CFAP47: variants seen among roughly 807,000 people sequenced by gnomAD.
CFAP47 encodes cilia- and flagella-associated protein 47.
CFAP47 carries 29 observed loss-of-function variants against 148.1 expected under a neutral mutation model. The ratio of observed to expected loss-of-function variants is 0.20; its 90% CI spans 0.15 to 0.27. CFAP47 has a LOEUF of 0.27. CFAP47 is among the 10% of genes least tolerant of loss of function. CFAP47 has a pLI of 1.00. For synonymous variants in CFAP47, 664 were observed against 577.3 expected, an observed-to-expected ratio of 1.15 and a Z score of -2.15; for missense variants, 1,872 against 1,697.5, an observed-to-expected ratio of 1.10 and a Z score of -1.81.
intron 30 of CFAP47, among the ~76,000 whole-genome samples, chrX:36,096,315 G>A (rs1387298045): frequency 9.0e-6 from 1 of 111,119 alleles, no homozygotes; most frequent in African/African-American, 3.3e-5. Context: ...GAAAACAGTA[G>A]GTATTCCATA....
At chrX:36,293,654 G>A (rs1375418148) in intron 51 of CFAP47, among the ~76,000 whole-genome samples, 2 of 112,215 alleles carry the variant, frequency 1.8e-5, no homozygotes, top group Middle Eastern at 4.2e-3. Context: ...GAGGGTCTGG[G>A]AAATGGAATC....
intron 46 of CFAP47, among the ~76,000 whole-genome samples, chrX:36,230,485 A>T (rs1940334711): frequency 9.7e-6 from 1 of 103,621 alleles, no homozygotes; most frequent in South Asian, 4.3e-4. Flanking sequence ...AATTTGTTTG[A>T]GTTCATTGTA....
At chrX:36,273,154 T>C (rs1255731216) in intron 49 of CFAP47, among the ~76,000 whole-genome samples, 1 of 111,564 alleles carries the variant, frequency 9.0e-6, no homozygotes, top group Non-Finnish European at 1.9e-5. Context: ...TTTTAAAAAT[T>C]ATTTTCAAAG....
At chrX:35,957,459 G>C (rs1424701572) in intron 8 of CFAP47, among the ~76,000 whole-genome samples, 1 of 111,831 alleles carries the variant, frequency 8.9e-6, no homozygotes, top group African/African-American at 3.2e-5. Flanking sequence ...TTGTATACAT[G>C]TTTATATACA....
intron 26 of CFAP47, among the ~76,000 whole-genome samples, chrX:36,056,935 A>G (rs1282867228): frequency 2.7e-5 from 3 of 112,177 alleles, no homozygotes; most frequent in Admixed American, 1.9e-4. Flanking sequence ...TAGCTGTTCT[A>G]CTTCATTCTG....
At chrX:36,166,906 A>G (rs756835180) in intron 39 of CFAP47, among the ~76,000 whole-genome samples, 3 of 111,553 alleles carry the variant, frequency 2.7e-5, no homozygotes, top group Non-Finnish European at 5.6e-5. Context: ...CTGGGATTAC[A>G]GTGGTTTTGG....
chrX:36,265,348 G>A (rs1556000890), intron 49 of CFAP47, among the ~76,000 whole-genome samples: 2 of 111,829 alleles, frequency 1.8e-5, no homozygotes, highest in East Asian at 2.8e-4. Flanking sequence ...CATATTGTCT[G>A]TGAAGAGATT....
At chrX:36,127,130 G>A (rs1480443123) in intron 33 of CFAP47, among the ~76,000 whole-genome samples, 9 of 111,933 alleles carry the variant, frequency 8.0e-5, no homozygotes, top group African/African-American at 2.9e-4. Flanking sequence ...GGTTTTTGTT[G>A]CTATTGCTTT....
At chrX:35,989,497 T>G (rs6629027) in intron 16 of CFAP47, 48 bp downstream of exon 16, 117,718 of 1,208,092 alleles carry the variant, frequency 0.097, 6,846 homozygotes, top group African/African-American at 0.35. Context: ...GCTATGAATT[T>G]GTTGGGTATA....
intron 21 of CFAP47, among the ~76,000 whole-genome samples, chrX:36,012,703 T>C (rs2146702450): frequency 9.0e-6 from 1 of 111,186 alleles, no homozygotes; most frequent in Non-Finnish European, 1.9e-5. Flanking sequence ...TTAGGACAAA[T>C]ACCTAATGCA....
intron 49 of CFAP47, among the ~76,000 whole-genome samples, chrX:36,277,272 T>G (rs781916225): frequency 8.9e-6 from 1 of 112,172 alleles, no homozygotes; most frequent in Non-Finnish European, 1.9e-5. Context: ...TCACATTGTC[T>G]TGTCAAGTCT....
intron 45 of CFAP47, among the ~76,000 whole-genome samples, chrX:36,222,697 A>G (rs782502946): frequency 9.0e-6 from 1 of 110,634 alleles, no homozygotes; most frequent in Non-Finnish European, 1.9e-5. Context: ...TTTAATGTCT[A>G]TGGCTACATT....
intron 40 of CFAP47, among the ~76,000 whole-genome samples, chrX:36,180,013 C>T (rs187322420): frequency 1.8e-5 from 2 of 111,162 alleles, no homozygotes; most frequent in East Asian, 5.7e-4. Flanking sequence ...ACCTCAGCTG[C>T]GAATTGGTGC....
chrX:36,016,492 C>A (rs1234296516), intron 22 of CFAP47, among the ~76,000 whole-genome samples: 1 of 110,723 alleles, frequency 9.0e-6, no homozygotes, highest in Non-Finnish European at 1.9e-5. Context: ...GGATCTCATT[C>A]TTTTTATGGA....
intron 25 of CFAP47, among the ~76,000 whole-genome samples, chrX:36,044,314 G>GA (rs1313954448): frequency 8.8e-6 from 1 of 113,128 alleles, no homozygotes; most frequent in Admixed American, 9.3e-5. Flanking sequence ...TTCCTCTTCA[G>GA]AAAAATGCTG....
At chrX:36,157,003 T>A (rs1026465635) in intron 37 of CFAP47, among the ~76,000 whole-genome samples, 1 of 110,711 alleles carries the variant, frequency 9.0e-6, no homozygotes, top group African/African-American at 3.3e-5. Flanking sequence ...ATGCTTCTCT[T>A]TTCATCAGCT....
Position 35,967,624 on chromosome X carries a change from T to C in CFAP47, c.1606T>C (p.Leu536=), listed in dbSNP as rs778391027. The C allele has an allele frequency of 1.2e-5, 14 of 1,202,337 alleles. No individual in the cohort carries two copies. Among genetic ancestry groups the C allele is most frequent in the Non-Finnish European group, 1.6e-5 (14 of 887,949 alleles). The change falls in exon 10 of 64, where the codon TTG becomes CTG. Residue 536 remains leucine, a synonymous_variant. Transcript: ENST00000378653. ...TATATTCAATTCTATAAAAGGTATA[T>C]TGCCTTCGATCCGTAATCCCACGGG... ...KVVMKFDPGI[L]PSIRNPTGKF...
chrX:36,118,476 A>C lies in CFAP47; in HGVS notation c.5320+13785A>C, dbSNP rs189375457. 4.6e-5 allele frequency among the ~76,000 whole-genome samples: 5 copies of C among 109,837 alleles called. No individual in the cohort carries two copies. In the Admixed American group the frequency reaches 4.9e-4, roughly 11 times the overall value. ...TTTACATCTTTTAATTAATTTATTT[A>C]TTTATTTTTTTGAGATGGAGTCTTG... On this transcript the variant is annotated intron_variant, in intron 33 of 63. Coordinates refer to ENST00000378653, the MANE Select transcript of CFAP47 (RefSeq NM_001304548.2).
At chrX:36,075,425 A>T (rs918564463) in intron 29 of CFAP47, among the ~76,000 whole-genome samples, 4 of 110,543 alleles carry the variant, frequency 3.6e-5, no homozygotes, top group Non-Finnish European at 7.6e-5. Context: ...ACAGGGTTTC[A>T]CTATGTTGGC....
Sources: allele counts gnomAD v4.1 joint callset (sites outside exome capture counted in the v4.1 genomes callset), GRCh38; gene constraint gnomAD v4.1.1; transcripts MANE v1.5; gene names NCBI Gene and HGNC (gene_info 2026-07-23, HGNC 2026-07-21).